TACC1: variants seen among roughly 807,000 people sequenced by gnomAD.
TACC1 encodes transforming acidic coiled-coil-containing protein 1.
Under a neutral mutation model 84.4 loss-of-function variants are expected in TACC1, and 48 were observed. That is an observed-to-expected ratio of 0.57 (90% CI 0.45 to 0.72). TACC1 has a LOEUF of 0.72. Among genes scored for constraint, TACC1 ranks in the 30% least tolerant of loss-of-function variants. TACC1 has a pLI of 0.00. For synonymous variants in TACC1, 372 were observed against 376.3 expected, an observed-to-expected ratio of 0.99 and a Z score of 0.13; for missense variants, 920 against 973.0, an observed-to-expected ratio of 0.95 and a Z score of 0.72.
intron 2 of TACC1, among the ~76,000 whole-genome samples, chr8:38,801,480 C>T (rs948667962): frequency 6.6e-6 from 1 of 152,200 alleles, no homozygotes; most frequent in Non-Finnish European, 1.5e-5. Flanking sequence ...CTATTCTTTT[C>T]CCTATACAAT....
In TACC1 at chr8:38,819,521, G is replaced by A; in HGVS notation, c.278-1G>A. On this transcript the variant is annotated splice_acceptor_variant, in intron 2 of 12. Coordinates refer to ENST00000317827, the MANE Select transcript of TACC1 (RefSeq NM_006283.3). LOFTEE classifies it high-confidence loss of function. ...TAGATGGTTTTTGTGTTTCATTTTA[G>A]AATCACAAGAAGCTGATGAACAGCT... The A allele has an allele frequency of 6.3e-7, 1 of 1,595,272 alleles. No individual in the cohort carries two copies. The highest frequency in any genetic ancestry group is 8.6e-7 in the Non-Finnish European group (1 of 1,169,214).
chr8:38,811,645 C>G (rs1824168288), intron 2 of TACC1, among the ~76,000 whole-genome samples: 1 of 152,162 alleles, frequency 6.6e-6, no homozygotes, highest in South Asian at 2.1e-4. Flanking sequence ...GCCTGTCTTA[C>G]TTTAATCTCT....
intron 1 of TACC1, among the ~76,000 whole-genome samples, chr8:38,737,053 T>C (rs1444789858): frequency 6.6e-6 from 1 of 152,162 alleles, no homozygotes; most frequent in Non-Finnish European, 1.5e-5. Context: ...AGGTCAAGAA[T>C]TGGGAGGCCC....
At position 38,792,682 on chromosome 8, in the gene TACC1, G is replaced by A. The variant is rs552997792; in HGVS notation, c.277+3863G>A. 1.0e-3 allele frequency among the ~76,000 whole-genome samples: 159 copies of A among 152,282 alleles called. 1 individual carries two copies. The highest frequency in any genetic ancestry group is 2.0e-3 in the Non-Finnish European group (136 of 68,032). ...GGGTTTCACCGTGTTAGCCAGGATG[G>A]TCTCGATCTCCTGACCTCGTGATCC... On this transcript the variant is annotated intron_variant, in intron 2 of 12. Transcript: ENST00000317827.
chr8:38,763,916 C>G (rs1219809656), intron 3 of TACC1, among the ~76,000 whole-genome samples: 1 of 152,136 alleles, frequency 6.6e-6, no homozygotes, highest in African/African-American at 2.4e-5. Flanking sequence ...TGAGTAATAA[C>G]TTAGGATACA....
Position 38,744,406 on chromosome 8 carries a change from G to T in TACC1, c.-573-489G>T, listed in dbSNP as rs1056987789. 2.0e-5 allele frequency among the ~76,000 whole-genome samples: 3 copies of T among 151,860 alleles called. No individual in the cohort carries two copies. The East Asian group carries it at 5.8e-4, about 29-fold the overall frequency. On this transcript the variant is annotated intron_variant, in intron 2 of 14. Coordinates refer to the TACC1 transcript ENST00000518415. The stretch of plus-strand genomic sequence containing the variant: ...GCTGGGATTACAGGCAGGAGCCACC[G>T]CACCGAGCCTGACACTTCTATTTAC...
intron 2 of TACC1, among the ~76,000 whole-genome samples, chr8:38,815,943 C>T (rs557221336): frequency 7.4e-5 from 10 of 135,644 alleles, no homozygotes; most frequent in South Asian, 2.3e-4. Context: ...GCCTAGGCAA[C>T]GTAGTGAGAC....
chr8:38,843,003 AT>A (rs1831544626), intron 10 of TACC1, among the ~76,000 whole-genome samples: 1 of 152,232 alleles, frequency 6.6e-6, no homozygotes, highest in Non-Finnish European at 1.5e-5. Context: ...TTTATCAAAT[AT>A]GGAAATCGAA....
rs1826203181 is a variant in TACC1 at position 38,819,630 on chromosome 8, C to CT, written c.387dup (p.His130SerfsTer11). The CT allele has an allele frequency of 6.2e-7, 1 of 1,614,100 alleles. No homozygotes were observed. Among genetic ancestry groups the CT allele is most frequent in the Admixed American group, 1.7e-5 (1 of 60,006 alleles). On this transcript the variant is annotated frameshift_variant, in exon 3 of 13. Coordinates refer to ENST00000317827, the MANE Select transcript of TACC1 (RefSeq NM_006283.3). LOFTEE classifies it high-confidence loss of function. ...GAAGTGCCACAGCAGGCCATTGACT[C>CT]TCACTCAGTCAAGAATTTCAGAGAA...
At chr8:38,813,139 T>C (rs1171122851) in intron 2 of TACC1, among the ~76,000 whole-genome samples, 1 of 152,244 alleles carries the variant, frequency 6.6e-6, no homozygotes, top group East Asian at 1.9e-4. Flanking sequence ...CTTAGTTTTC[T>C]AGACTAAATA....
At chr8:38,779,317 G>A (rs1277307231) in intron 3 of TACC1, among the ~76,000 whole-genome samples, 2 of 152,156 alleles carry the variant, frequency 1.3e-5, no homozygotes, top group African/African-American at 4.8e-5. Context: ...ACTGGCAAAT[G>A]CCTTCTTGAA....
intron 2 of TACC1, among the ~76,000 whole-genome samples, chr8:38,743,750 A>G (rs1381517493): frequency 6.6e-6 from 1 of 152,154 alleles, no homozygotes; most frequent in African/African-American, 2.4e-5. Context: ...GGCCAGGCTT[A>G]ATGGCTCATG....
At chr8:38,767,216 C>T (rs1812416425) in intron 3 of TACC1, among the ~76,000 whole-genome samples, 1 of 152,160 alleles carries the variant, frequency 6.6e-6, no homozygotes. Context: ...GGGCAAGATA[C>T]GAAGGTAGGA....
chr8:38,818,373 G>GT (rs1055003303), intron 2 of TACC1, among the ~76,000 whole-genome samples: 6 of 152,230 alleles, frequency 3.9e-5, no homozygotes, highest in African/African-American at 1.2e-4. Context: ...AATTCACTGA[G>GT]TTTTTCTGTG....
In TACC1 at chr8:38,795,231, C is replaced by T. The variant is rs146372921; in HGVS notation, c.277+6412C>T. On this transcript the variant is annotated intron_variant, in intron 2 of 12. Transcript: ENST00000317827. Reference sequence around the variant, plus strand: ...AGCAGAAACTTGTGAGAGTGCAGAACCACAGAGGAGCAACAGTGTCTGAAT... The same window carrying T: ...AGCAGAAACTTGTGAGAGTGCAGAATCACAGAGGAGCAACAGTGTCTGAAT... Among the ~76,000 whole-genome samples, 942 of 152,220 alleles carry T rather than the reference C, an allele frequency of 6.2e-3. 6 individuals carry two copies. Among genetic ancestry groups the T allele is most frequent in the Non-Finnish European group, 0.01 (689 of 68,020 alleles).
At chr8:38,842,900 T>A (rs1323355229) in intron 10 of TACC1, among the ~76,000 whole-genome samples, 1 of 152,260 alleles carries the variant, frequency 6.6e-6, no homozygotes, top group Non-Finnish European at 1.5e-5. Context: ...AATGGGCCTG[T>A]TGATTTAATT....
At position 38,839,570 on chromosome 8, in the gene TACC1, A is replaced by G. The variant is rs375296189; in HGVS notation, c.1917-654A>G. The G allele has an allele frequency of 2.0e-5, 6 of 302,098 alleles. No individual in the cohort carries two copies. In the South Asian group the frequency reaches 8.1e-4, roughly 41 times the overall value. The allele number at this position is 302,098 out of a possible 1,614,324, so 18.7% of individuals were successfully genotyped here. A position where few individuals can be genotyped will look rare whatever the true frequency, so the allele number is the denominator to read the frequency against. ...TGCTCTTAGAGAGCGGTAGCCATCC[A>G]TAATAACCAACTTGGATATGACGTC... On this transcript the variant is annotated intron_variant, in intron 8 of 12. Coordinates refer to ENST00000317827, the MANE Select transcript of TACC1 (RefSeq NM_006283.3).
intron 3 of TACC1, among the ~76,000 whole-genome samples, chr8:38,752,331 T>C (rs1809193371): frequency 6.6e-6 from 1 of 151,934 alleles, no homozygotes; most frequent in African/African-American, 2.4e-5. Context: ...ATTAGCCAGA[T>C]GTGGTGGCGT....
At chr8:38,768,897 G>A (rs534687097) in intron 3 of TACC1, among the ~76,000 whole-genome samples, 1 of 148,596 alleles carries the variant, frequency 6.7e-6, no homozygotes, top group Non-Finnish European at 1.5e-5. Context: ...CGGGGGAGGT[G>A]TGTGTGTGAC....
Sources: allele counts gnomAD v4.1 joint callset (sites outside exome capture counted in the v4.1 genomes callset), GRCh38; gene constraint gnomAD v4.1.1; transcripts MANE v1.5; gene names NCBI Gene and HGNC (gene_info 2026-07-23, HGNC 2026-07-21).